The following CERT1 variants were observed in gnomAD, a reference collection of about 807,000 sequenced individuals.
The protein encoded by CERT1 is ceramide transporter 1, also known as ceramide transfer protein.
Under a neutral mutation model 87.9 loss-of-function variants are expected in CERT1, and 31 were observed. The ratio of observed to expected loss-of-function variants is 0.35; its 90% CI spans 0.27 to 0.48. The LOEUF (loss-of-function observed/expected upper bound fraction) is 0.48. CERT1 is among the 20% of genes least tolerant of loss of function. The probability of loss-of-function intolerance (pLI) is 0.99; values close to 1 mark genes in which losing one functional copy is unlikely to be tolerated. For synonymous variants in CERT1, 289 were observed against 250.9 expected, an observed-to-expected ratio of 1.15 and a Z score of -1.44; for missense variants, 487 against 758.0, an observed-to-expected ratio of 0.64 and a Z score of 4.20.
intron 3 of CERT1, among the ~76,000 whole-genome samples, chr5:75,429,608 G>A (rs763395269): frequency 2.0e-5 from 3 of 152,052 alleles, no homozygotes; most frequent in Non-Finnish European, 4.4e-5. Context: ...CACTTGAGGC[G>A]AGGAGTTTAT....
chr5:75,496,732 G>A (rs1767086944), intron 2 of CERT1, among the ~76,000 whole-genome samples: 1 of 152,182 alleles, frequency 6.6e-6, no homozygotes, highest in Non-Finnish European at 1.5e-5. Flanking sequence ...GATGCATACT[G>A]CATGATTCCA....
intron 2 of CERT1, among the ~76,000 whole-genome samples, chr5:75,462,556 TGGCCCAG>T (rs1231286906): frequency 2.0e-5 from 3 of 152,066 alleles, no homozygotes; most frequent in Non-Finnish European, 4.4e-5. Context: ...TACTGGTCTG[TGGCCCAG>T]GGTTTGAGGA....
intron 2 of CERT1, among the ~76,000 whole-genome samples, chr5:75,490,257 G>A (rs1447639065): frequency 6.6e-6 from 1 of 151,536 alleles, no homozygotes; most frequent in African/African-American, 2.4e-5. Context: ...ATGACAGGTT[G>A]GCAGTTGCAA....
At chr5:75,446,227 C>T (rs1043317495) in intron 3 of CERT1, among the ~76,000 whole-genome samples, 6 of 152,214 alleles carry the variant, frequency 3.9e-5, no homozygotes, top group South Asian at 2.1e-4. Flanking sequence ...AAATCATATC[C>T]GTTGTCCTAT....
chr5:75,478,097 G>C (rs1171434967), intron 2 of CERT1, among the ~76,000 whole-genome samples: 2 of 152,148 alleles, frequency 1.3e-5, no homozygotes, highest in South Asian at 2.1e-4. Context: ...CAGATCACCT[G>C]AAGTCAGGAG....
chr5:75,418,347 A>C (rs1763230307), intron 6 of CERT1, among the ~76,000 whole-genome samples: 1 of 152,226 alleles, frequency 6.6e-6, no homozygotes, highest in Admixed American at 6.5e-5. Flanking sequence ...TGAAATTTGA[A>C]GACTGACCAT....
At position 75,445,526 on chromosome 5, in the gene CERT1, A is replaced by AT. The variant is rs199578668; in HGVS notation, c.348+13538dup. On this transcript the variant is annotated intron_variant, in intron 3 of 16. Transcript: ENST00000643780. Reference sequence around the variant, plus strand: ...TTTCTTTAAGAGACAAGGACTTGCTATTTTGCCAGGCTAAACTTAAACTCC... The same window carrying AT: ...TTTCTTTAAGAGACAAGGACTTGCTATTTTTGCCAGGCTAAACTTAAACTCC... Among the ~76,000 whole-genome samples, 164 of 152,170 alleles carry AT rather than the reference A, an allele frequency of 1.1e-3. 1 individual carries two copies. The East Asian group carries it at 0.027, about 25-fold the overall frequency.
At chr5:75,478,909 T>TAAAAAAAAAAAAAA (rs11438163) in intron 2 of CERT1, among the ~76,000 whole-genome samples, 4 of 21,764 alleles carry the variant, frequency 1.8e-4, no homozygotes, top group Middle Eastern at 0.038. Context: ...AAGTAAGTAC[T>TAAAAAAAAAAAAAA]AAAAAAAAAA....
chr5:75,421,681 T>C (rs891549471), intron 5 of CERT1, among the ~76,000 whole-genome samples: 5 of 152,224 alleles, frequency 3.3e-5, no homozygotes, highest in African/African-American at 9.6e-5. Flanking sequence ...AATACGACTA[T>C]TCCTAAATTA....
chr5:75,506,064 T>C lies in CERT1; in HGVS notation c.149A>G (p.Asn50Ser). Reference protein sequence around the residue: ...WQDRWVVLKNNALSYYKSEDE... With the variant: ...WQDRWVVLKNSALSYYKSEDE... Reference sequence around the variant, plus strand: ...TTCAGATTTGTAGTAACTCAGAGCATTATTTTTCAAAACTACCCAACGATC... The same window carrying C: ...TTCAGATTTGTAGTAACTCAGAGCACTATTTTTCAAAACTACCCAACGATC... Residue 50 changes from asparagine to serine, a missense_variant, in exon 2 of 17, where the codon AAT (asparagine) becomes AGT (serine). This residue lies in a region of CERT1 where 173 missense variants were observed against 302.2 expected (regional missense o/e 0.57). Transcript: ENST00000643780. The C allele has an allele frequency of 6.2e-7, 1 of 1,613,180 alleles. No individual in the cohort carries two copies. Among genetic ancestry groups the C allele is most frequent in the Non-Finnish European group, 8.5e-7 (1 of 1,179,210 alleles).
At chr5:75,429,542 A>AG (rs932051601) in intron 3 of CERT1, among the ~76,000 whole-genome samples, 2 of 152,154 alleles carry the variant, frequency 1.3e-5, no homozygotes, top group Non-Finnish European at 2.9e-5. Flanking sequence ...GCCCTGGACC[A>AG]GTGTGGTGGC....
chr5:75,439,732 T>G lies in CERT1; in HGVS notation c.349-13254A>C, dbSNP rs141125634. ...TATTACTATTTTAAAACAAACCACATGAGGAGCCAGATACAATACCTAAGA... is the reference window on the plus strand; with the variant it reads ...TATTACTATTTTAAAACAAACCACAGGAGGAGCCAGATACAATACCTAAGA... On this transcript the variant is annotated intron_variant, in intron 3 of 16. Transcript: ENST00000643780. Among the ~76,000 whole-genome samples the G allele has an allele frequency of 7.8e-3, 1,184 of 152,106 alleles. 9 individuals carry two copies. The highest frequency in any genetic ancestry group is 0.013 in the Admixed American group (201 of 15,282).
intron 3 of CERT1, among the ~76,000 whole-genome samples, chr5:75,435,969 G>A (rs1288426347): frequency 6.6e-6 from 1 of 152,132 alleles, no homozygotes; most frequent in East Asian, 1.9e-4. Context: ...ATATATTTGT[G>A]TACCTATAGG....
chr5:75,418,601 A>G (rs974036847), intron 6 of CERT1, among the ~76,000 whole-genome samples: 2 of 152,204 alleles, frequency 1.3e-5, no homozygotes, highest in Non-Finnish European at 2.9e-5. Flanking sequence ...CCACCAATGA[A>G]TGACTAGATA....
At chr5:75,461,673 T>C (rs1765238283) in intron 2 of CERT1, among the ~76,000 whole-genome samples, 1 of 152,196 alleles carries the variant, frequency 6.6e-6, no homozygotes, top group African/African-American at 2.4e-5. Flanking sequence ...TTCACCATTT[T>C]CTCTGGCAAA....
intron 5 of CERT1, among the ~76,000 whole-genome samples, chr5:75,421,385 AAAAT>A (rs1763372956): frequency 6.6e-6 from 1 of 152,188 alleles, no homozygotes; most frequent in Non-Finnish European, 1.5e-5. Context: ...TAACCACTTG[AAAAT>A]GTTGTCAATC....
intron 2 of CERT1, among the ~76,000 whole-genome samples, chr5:75,469,312 T>A (rs1765610673): frequency 1.3e-5 from 2 of 152,072 alleles, no homozygotes; most frequent in Non-Finnish European, 2.9e-5. Context: ...CTTACGGAAT[T>A]TATGAGATAG....
chr5:75,476,154 T>A (rs1408465353), intron 2 of CERT1, among the ~76,000 whole-genome samples: 1 of 152,072 alleles, frequency 6.6e-6, no homozygotes, highest in Non-Finnish European at 1.5e-5. Context: ...CAAACAAAGG[T>A]GGACAAAAGA....
At chr5:75,419,987 T>C (rs554319732) in intron 5 of CERT1, among the ~76,000 whole-genome samples, 4 of 152,004 alleles carry the variant, frequency 2.6e-5, no homozygotes, top group East Asian at 3.9e-4. Context: ...TTCTTTTTTT[T>C]TTTTTTGTAG....
Sources: allele counts gnomAD v4.1 joint callset (sites outside exome capture counted in the v4.1 genomes callset), GRCh38; gene constraint gnomAD v4.1.1; regional missense constraint gnomAD v4.1.1; transcripts MANE v1.5; gene names NCBI Gene and HGNC (gene_info 2026-07-23, HGNC 2026-07-21).